The following DMTF1 variants were observed in gnomAD, a reference collection of about 807,000 sequenced individuals.
The protein encoded by DMTF1 is cyclin D binding myb like transcription factor 1.
In DMTF1, 39 loss-of-function variants were observed where a neutral mutation model predicts 91.1. That is an observed-to-expected ratio of 0.43 (90% CI 0.33 to 0.56). The LOEUF (loss-of-function observed/expected upper bound fraction) is 0.56, where lower values mean the gene tolerates loss of function less well. DMTF1 is among the 20% of genes least tolerant of loss of function. The probability of loss-of-function intolerance (pLI) is 0.05; values close to 1 mark genes in which losing one functional copy is unlikely to be tolerated. For missense variants in DMTF1, 750 were observed against 914.5 expected, an observed-to-expected ratio of 0.82 and a Z score of 2.32; for synonymous variants, 338 against 309.5, an observed-to-expected ratio of 1.09 and a Z score of -0.97.
intron 4 of DMTF1, among the ~76,000 whole-genome samples, chr7:87,170,625 A>G (rs1247107618): frequency 1.3e-5 from 2 of 152,144 alleles, no homozygotes; most frequent in Non-Finnish European, 2.9e-5. Flanking sequence ...AGCCTCCTAT[A>G]TAAAATTTCA....
intron 1 of DMTF1, among the ~76,000 whole-genome samples, chr7:87,157,415 A>G (rs537160244): frequency 1.3e-5 from 2 of 152,248 alleles, no homozygotes; most frequent in African/African-American, 2.4e-5. Flanking sequence ...AAACTCTTTC[A>G]TACTTGTATC....
At chr7:87,154,315 A>G (rs1200778723) in intron 1 of DMTF1, 1 of 152,420 alleles carries the variant, frequency 6.6e-6, no homozygotes, top group Non-Finnish European at 1.5e-5. Flanking sequence ...GGTGATTTTT[A>G]TCTCATTTTA....
chr7:87,184,522 C>G lies in DMTF1; in HGVS notation c.946C>G (p.Arg316Gly). The G allele has an allele frequency of 6.2e-7, 1 of 1,613,976 alleles. No individual in the cohort carries two copies. The highest frequency in any genetic ancestry group is 8.5e-7 in the Non-Finnish European group (1 of 1,179,964). Residue 316 changes from arginine (R) to glycine (G), a missense_variant, in exon 11 of 18, where the codon CGC becomes GGC. Physicochemically the swap from Arg to Gly is moderately radical, Grantham distance 125. Coordinates refer to ENST00000331242, the MANE Select transcript of DMTF1 (RefSeq NM_001142327.2). ...AGCTGTGGCTGAACGAGTCGGTACCCGCTCAGAAAAGCAATGTCGTTCTAA... is the reference window on the plus strand; with the variant it reads ...AGCTGTGGCTGAACGAGTCGGTACCGGCTCAGAAAAGCAATGTCGTTCTAA... ...WAAVAERVGT[R>G]SEKQCRSKWL...
intron 7 of DMTF1, among the ~76,000 whole-genome samples, chr7:87,175,699 A>G (rs1180315667): frequency 2.0e-5 from 3 of 152,214 alleles, no homozygotes; most frequent in Non-Finnish European, 4.4e-5. Flanking sequence ...AACTTGGGCT[A>G]GAGTAGAACT....
intron 13 of DMTF1, among the ~76,000 whole-genome samples, chr7:87,189,965 G>A (rs1390971965): frequency 2.6e-5 from 4 of 152,040 alleles, no homozygotes; most frequent in African/African-American, 9.7e-5. Context: ...ATTGGTAAGG[G>A]CATTAGATTC....
At chr7:87,157,309 C>G (rs1584167352) in intron 1 of DMTF1, among the ~76,000 whole-genome samples, 1 of 152,108 alleles carries the variant, frequency 6.6e-6, no homozygotes, top group Non-Finnish European at 1.5e-5. Flanking sequence ...ATCATGTGGT[C>G]TCATCCCATG....
At chr7:87,176,291 C>T (rs1796245685) in intron 7 of DMTF1, among the ~76,000 whole-genome samples, 1 of 152,176 alleles carries the variant, frequency 6.6e-6, no homozygotes. Context: ...ATACAGTGGC[C>T]ATTGAAAATG....
intron 1 of DMTF1, among the ~76,000 whole-genome samples, chr7:87,156,637 A>G (rs369524634): frequency 6.6e-6 from 1 of 152,124 alleles, no homozygotes; most frequent in Non-Finnish European, 1.5e-5. Flanking sequence ...TGCTTATTCT[A>G]TGACCTTACC....
intron 14 of DMTF1, 29 bp downstream of exon 14, chr7:87,191,056 T>G: frequency 1.4e-6 from 2 of 1,384,950 alleles, no homozygotes; most frequent in Non-Finnish European, 2.0e-6. Context: ...ATATTGGCCA[T>G]TTTTATGCAT....
intron 1 of DMTF1, chr7:87,163,235 T>TC (rs1584234318): frequency 6.6e-6 from 1 of 150,492 alleles, no homozygotes; most frequent in Non-Finnish European, 1.5e-5. Flanking sequence ...TTTTTTTTTT[T>TC]CAGAGAACGT....
At chr7:87,158,851 G>C (rs937491570) in intron 1 of DMTF1, among the ~76,000 whole-genome samples, 3 of 152,004 alleles carry the variant, frequency 2.0e-5, no homozygotes, top group Non-Finnish European at 4.4e-5. Context: ...CAAACAACAA[G>C]TAATGCTAAG....
At chr7:87,189,313 C>G (rs1483292601) in intron 13 of DMTF1, among the ~76,000 whole-genome samples, 2 of 152,138 alleles carry the variant, frequency 1.3e-5, no homozygotes, top group Non-Finnish European at 1.5e-5. Context: ...ACCTCTTATT[C>G]TTAAAATCCT....
Position 87,194,777 on chromosome 7 carries a change from G to A in DMTF1, c.2122G>A (p.Ala708Thr). 1 of 1,611,872 alleles carries A rather than the reference G, an allele frequency of 6.2e-7. No homozygotes were observed. The highest frequency in any genetic ancestry group is 1.3e-5 in the African/African-American group (1 of 74,834). The change falls in exon 17 of 18, where the codon GCA (alanine) becomes ACA (threonine). Residue 708 changes from alanine to threonine, a missense_variant. Physicochemically the swap from Ala to Thr is moderately conservative, Grantham distance 58. Coordinates refer to ENST00000331242, the MANE Select transcript of DMTF1 (RefSeq NM_001142327.2). ...IVPSPHGFIQ[A>T]SDVIDTESVL... ...TCCTTCACCACATGGCTTTATCCAG[G>A]CATCTGATGTTATAGATACTGAATC...
rs761290891 is a variant in DMTF1, at chr7:87,190,998, G to A, written c.1465G>A (p.Gly489Arg). Residue 489 changes from glycine to arginine, a missense_variant, in exon 14 of 18, where the codon GGA becomes AGA. Transcript: ENST00000331242. The stretch of plus-strand genomic sequence containing the variant: ...CTCAGAAACAATAACACTAAACAGT[G>A]GAACACTACAGACATTTGAGATTCT... ...VDSETITLNS[G>R]TLQTFEILPS... 6.8e-6 allele frequency: 11 copies of A among 1,608,958 alleles called. No homozygotes were observed. The highest frequency in any genetic ancestry group is 1.1e-5 in the South Asian group (1 of 90,570).
intron 4 of DMTF1, among the ~76,000 whole-genome samples, chr7:87,169,279 CA>C (rs1794560554): frequency 6.6e-6 from 1 of 152,034 alleles, no homozygotes; most frequent in Non-Finnish European, 1.5e-5. Flanking sequence ...GGCAACAAGG[CA>C]AAACTCTGTC....
intron 1 of DMTF1, among the ~76,000 whole-genome samples, chr7:87,153,263 G>T (rs995496919): frequency 7.2e-5 from 11 of 152,172 alleles, no homozygotes; most frequent in Admixed American, 2.0e-4. Flanking sequence ...GGGCTGGGGC[G>T]CGGGGACAGT....
intron 2 of DMTF1, among the ~76,000 whole-genome samples, chr7:87,164,103 A>G (rs1793211219): frequency 6.6e-6 from 1 of 151,346 alleles, no homozygotes; most frequent in Admixed American, 6.6e-5. Context: ...GAGTAATTAT[A>G]TCAGGGTTTG....
intron 1 of DMTF1, 97 bp downstream of exon 1, chr7:87,152,652 G>C (rs1789442620): frequency 6.5e-6 from 1 of 152,862 alleles, no homozygotes; most frequent in African/African-American, 2.4e-5. Flanking sequence ...GCTCCCGCCG[G>C]CTGGCGCAAG....
chr7:87,191,759 T>C (rs946915174), intron 14 of DMTF1, among the ~76,000 whole-genome samples: 1 of 152,140 alleles, frequency 6.6e-6, no homozygotes, highest in Non-Finnish European at 1.5e-5. Flanking sequence ...AGTAGATCAG[T>C]GGTTTCCTGC....
Sources: gnomAD v4.1 joint callset for allele counts (sites outside exome capture counted in the v4.1 genomes callset) on GRCh38, gnomAD v4.1.1 for gene constraint, MANE v1.5 for transcripts, NCBI Gene and HGNC (gene_info 2026-07-23, HGNC 2026-07-21) for gene names.